FAM135B: variants seen among roughly 807,000 people sequenced by gnomAD.
FAM135B encodes protein FAM135B.
In FAM135B, 43 loss-of-function variants were observed where a neutral mutation model predicts 127.7. The observed-to-expected ratio is 0.34, with a 90% confidence interval of 0.26 to 0.43. The LOEUF is 0.43. Ranked by LOEUF, FAM135B falls within the 20% of genes least tolerant of loss-of-function variation. The probability of loss-of-function intolerance (pLI) is 1.00; values close to 1 mark genes in which losing one functional copy is unlikely to be tolerated. For synonymous variants in FAM135B, 670 were observed against 665.1 expected (o/e 1.01, Z -0.11); for missense variants, 1,558 against 1,725.6 (o/e 0.90, Z 1.72).
chr8:138,429,086 T>G (rs1348831425), intron 1 of FAM135B, among the ~76,000 whole-genome samples: 4 of 152,134 alleles, frequency 2.6e-5, no homozygotes, highest in African/African-American at 9.7e-5. Context: ...TGGTAAATGC[T>G]ATGGACAAAA....
chr8:138,277,630 T>C (rs1183252044), intron 3 of FAM135B, among the ~76,000 whole-genome samples: 1 of 152,168 alleles, frequency 6.6e-6, no homozygotes, highest in Non-Finnish European at 1.5e-5. Flanking sequence ...CAGTGTATGG[T>C]AACCACACAC....
intron 7 of FAM135B, among the ~76,000 whole-genome samples, chr8:138,227,631 C>T (rs1819561634): frequency 6.6e-6 from 1 of 151,932 alleles, no homozygotes; most frequent in African/African-American, 2.4e-5. Context: ...TTCATGACAC[C>T]ATCACCCCAA....
At position 138,243,726 on chromosome 8, in the gene FAM135B, A is replaced by T. The variant is rs1262760265; in HGVS notation, c.543-658T>A. 2.6e-5 allele frequency among the ~76,000 whole-genome samples: 4 copies of T among 152,226 alleles called. No individual in the cohort carries two copies. On this transcript the variant is annotated intron_variant, in intron 6 of 19. Coordinates refer to ENST00000395297, the MANE Select transcript of FAM135B (RefSeq NM_015912.4). The surrounding 1 kb of genome is among the most constrained non-coding windows in gnomAD (Gnocchi z 7.5). ...AAAGGAGATTAGGAAAAGATGTGTG[A>T]TTATTCAAATTTATCATATTTGAGT...
chr8:138,371,668 A>G (rs1452119449), intron 1 of FAM135B, among the ~76,000 whole-genome samples: 2 of 152,140 alleles, frequency 1.3e-5, no homozygotes, highest in Non-Finnish European at 2.9e-5. Flanking sequence ...TTGTTCCAAG[A>G]ACCTCCCACG....
chr8:138,178,834 C>T, intron 9 of FAM135B, 144 bp from the exon 10 acceptor site: 5 of 644,644 alleles, frequency 7.8e-6, no homozygotes, highest in Non-Finnish European at 1.3e-5. Context: ...TATATTACAA[C>T]TCATAGTACT....
chr8:138,429,393 G>T (rs1052336579), intron 1 of FAM135B, among the ~76,000 whole-genome samples: 1 of 152,102 alleles, frequency 6.6e-6, no homozygotes, highest in Non-Finnish European at 1.5e-5. Flanking sequence ...TGCTATCCTT[G>T]TGGCTACCAC....
intron 1 of FAM135B, among the ~76,000 whole-genome samples, chr8:138,415,548 C>T (rs761998953): frequency 6.6e-6 from 1 of 152,122 alleles, no homozygotes; most frequent in Non-Finnish European, 1.5e-5. Context: ...CCAGACACAG[C>T]GAAGTAGCAT....
chr8:138,453,950 C>A (rs569449241), intron 1 of FAM135B, among the ~76,000 whole-genome samples: 1 of 151,970 alleles, frequency 6.6e-6, no homozygotes, highest in East Asian at 1.9e-4. Flanking sequence ...CTTTATTTCA[C>A]GAAAGAGAAA....
intron 7 of FAM135B, among the ~76,000 whole-genome samples, chr8:138,211,636 A>C (rs1302002181): frequency 6.6e-6 from 1 of 152,220 alleles, no homozygotes; most frequent in South Asian, 2.1e-4. Context: ...TTTGACTTCT[A>C]TTTAATGCTG....
intron 1 of FAM135B, among the ~76,000 whole-genome samples, chr8:138,417,182 C>A (rs1353617393): frequency 6.6e-6 from 1 of 152,180 alleles, no homozygotes; most frequent in African/African-American, 2.4e-5. Flanking sequence ...CTGAACAGAG[C>A]AGGGCTATCT....
At chr8:138,493,628 G>A (rs1361105881) in intron 1 of FAM135B, among the ~76,000 whole-genome samples, 18 of 152,214 alleles carry the variant, frequency 1.2e-4, no homozygotes, top group Non-Finnish European at 2.6e-4. Context: ...GTCACACAGA[G>A]CTAGTAAGTG....
chr8:138,165,652 T>C (rs1819844308), intron 12 of FAM135B, among the ~76,000 whole-genome samples: 1 of 152,202 alleles, frequency 6.6e-6, no homozygotes, highest in African/African-American at 2.4e-5. Flanking sequence ...CATGTAACTC[T>C]AATGAAGATG....
chr8:138,151,022 T>G (rs1818093673), intron 13 of FAM135B, among the ~76,000 whole-genome samples, 172 bp downstream of exon 13: 1 of 152,042 alleles, frequency 6.6e-6, no homozygotes, highest in Non-Finnish European at 1.5e-5. Context: ...TTTAAATTCC[T>G]ATGATATGAA....
At position 138,222,678 on chromosome 8, in the gene FAM135B, GTTTTT is replaced by G. The variant is rs33913656; in HGVS notation, c.669+20259_669+20263del. Among the ~76,000 whole-genome samples, 975 of 104,032 alleles carry G rather than the reference GTTTTT, an allele frequency of 9.4e-3. 9 individuals carry two copies. The highest frequency in any genetic ancestry group is 0.032 in the African/African-American group (912 of 28,572). 68.2% of individuals were successfully genotyped at this position (104,032 alleles called of 152,430 possible). On this transcript the variant is annotated intron_variant, in intron 7 of 19. Coordinates refer to ENST00000395297, the MANE Select transcript of FAM135B (RefSeq NM_015912.4). ...TGTTTGTAGGATTTTTGTTGGTGGT[GTTTTT>G]TTTTTTTTTTTTTTTTTTAATTCTG...
At chr8:138,402,088 C>G (rs899246613) in intron 1 of FAM135B, among the ~76,000 whole-genome samples, 4 of 151,984 alleles carry the variant, frequency 2.6e-5, no homozygotes, top group Non-Finnish European at 5.9e-5. Context: ...GCTGAAGTTC[C>G]ACGGGCAAAA....
At chr8:138,224,093 G>A (rs934002030) in intron 7 of FAM135B, among the ~76,000 whole-genome samples, 2 of 152,008 alleles carry the variant, frequency 1.3e-5, no homozygotes, top group African/African-American at 4.8e-5. Context: ...TCAGTACCTG[G>A]GTGACAGGAT....
chr8:138,252,916 C>T (rs187766822), intron 5 of FAM135B, among the ~76,000 whole-genome samples: 1 of 152,294 alleles, frequency 6.6e-6, no homozygotes, highest in Non-Finnish European at 1.5e-5. Context: ...TGTCCCACCT[C>T]ACCCTCCCAA....
At chr8:138,433,016 C>A (rs1036989554) in intron 1 of FAM135B, among the ~76,000 whole-genome samples, 1 of 151,994 alleles carries the variant, frequency 6.6e-6, no homozygotes, top group African/African-American at 2.4e-5. Context: ...TCAGACAGAA[C>A]AATGAGGCAA....
chr8:138,278,939 C>A (rs1323124058), intron 3 of FAM135B, among the ~76,000 whole-genome samples: 1 of 152,110 alleles, frequency 6.6e-6, no homozygotes, highest in Non-Finnish European at 1.5e-5. Flanking sequence ...ACTTCCTTGA[C>A]TTTTGGGGAG....
Sources: allele counts gnomAD v4.1 joint callset (sites outside exome capture counted in the v4.1 genomes callset), GRCh38; gene constraint gnomAD v4.1.1; non-coding constraint Gnocchi (gnomAD v3.1); transcripts MANE v1.5; gene names NCBI Gene and HGNC (gene_info 2026-07-23, HGNC 2026-07-21).